The following MARCHF3 variants were observed in gnomAD, a reference collection of about 807,000 sequenced individuals.
The protein encoded by MARCHF3 is E3 ubiquitin-protein ligase MARCHF3.
Under a neutral mutation model 24.2 loss-of-function variants are expected in MARCHF3, and 13 were observed. That is an observed-to-expected ratio of 0.54 (90% confidence interval 0.35 to 0.85). MARCHF3 has a LOEUF of 0.85. Among genes scored for constraint, MARCHF3 ranks in the 40% least tolerant of loss-of-function variants. The pLI is 0.01. For synonymous variants in MARCHF3, 144 were observed against 137.3 expected (o/e 1.05, Z -0.34); for missense variants, 276 against 325.0 (o/e 0.85, Z 1.16).
chr5:126,967,277 T>C (rs78044860), intron 1 of MARCHF3, among the ~76,000 whole-genome samples: 3,831 of 152,246 alleles, frequency 0.025, 84 homozygotes, highest in Middle Eastern at 0.034. Context: ...GGTGATTCTA[T>C]TATCTAATTT....
intron 1 of MARCHF3, among the ~76,000 whole-genome samples, chr5:126,927,540 T>TG (rs1749335701): frequency 6.6e-6 from 1 of 152,222 alleles, no homozygotes; most frequent in Non-Finnish European, 1.5e-5. Flanking sequence ...CATCATGGCC[T>TG]GGGTGGCTGC....
In MARCHF3 at chr5:126,898,945, A is replaced by G. The variant is rs1754015872; in HGVS notation, c.393+15985T>C. On this transcript the variant is annotated intron_variant, in intron 3 of 4. Transcript: ENST00000308660. ...TACATTTTCATAAGTGGCACATCTA[A>G]GAATTAAACTTTTTTTTTTAGTATC... 4 of 985,060 alleles carry G rather than the reference A, an allele frequency of 4.1e-6. No homozygotes were observed. The South Asian group carries it at 1.4e-4, about 35-fold the overall frequency. 61.0% of individuals were successfully genotyped at this position (985,060 alleles called of 1,614,324 possible).
intron 1 of MARCHF3, among the ~76,000 whole-genome samples, chr5:127,010,761 A>G (rs1030262089): frequency 2.6e-5 from 4 of 152,224 alleles, no homozygotes; most frequent in Admixed American, 2.0e-4. Flanking sequence ...GACATATACT[A>G]AAACATGAGT....
At chr5:126,935,359 C>A (rs1455347449) in intron 1 of MARCHF3, among the ~76,000 whole-genome samples, 2 of 152,104 alleles carry the variant, frequency 1.3e-5, no homozygotes, top group African/African-American at 4.8e-5. Context: ...TTCCTCCTGC[C>A]TGACTGCCTT....
At chr5:126,904,075 G>C (rs898605832) in intron 3 of MARCHF3, among the ~76,000 whole-genome samples, 1 of 149,702 alleles carries the variant, frequency 6.7e-6, no homozygotes. Flanking sequence ...TTGGTTTTTT[G>C]TTCTTGCGAT....
intron 3 of MARCHF3, chr5:126,898,954 C>CA (rs1554063525): frequency 1.2e-6 from 1 of 868,212 alleles, no homozygotes; most frequent in Non-Finnish European, 1.4e-6. Flanking sequence ...AAGAATTAAA[C>CA]TTTTTTTTTT....
At chr5:126,949,526 C>T (rs572291732) in intron 1 of MARCHF3, among the ~76,000 whole-genome samples, 9 of 152,280 alleles carry the variant, frequency 5.9e-5, no homozygotes, top group Admixed American at 3.9e-4. Context: ...CTAGAACCCT[C>T]GCTGTAAAAG....
In MARCHF3 at chr5:126,927,428, T is replaced by C. The variant is rs182402657; in HGVS notation, c.-56-9201A>G. Among the ~76,000 whole-genome samples, 885 of 151,910 alleles carry C rather than the reference T, an allele frequency of 5.8e-3. 3 individuals carry two copies. Among genetic ancestry groups the C allele is most frequent in the Non-Finnish European group, 8.9e-3 (607 of 67,828 alleles). On this transcript the variant is annotated intron_variant, in intron 1 of 4. Coordinates refer to ENST00000308660, the MANE Select transcript of MARCHF3 (RefSeq NM_178450.5). ...AGGGAACCTCTTTAGGGAACCTCTT[T>C]AGGGAACCTCTGAGGTGCTATTTTT...
chr5:127,015,129 T>C (rs1390670932), intron 1 of MARCHF3, among the ~76,000 whole-genome samples: 1 of 152,178 alleles, frequency 6.6e-6, no homozygotes, highest in East Asian at 1.9e-4. Flanking sequence ...ATAAATAAAT[T>C]TGAGAAATTA....
intron 1 of MARCHF3, among the ~76,000 whole-genome samples, chr5:126,990,319 C>G (rs111348565): frequency 0.052 from 7,828 of 151,918 alleles, 371 homozygotes; most frequent in South Asian, 0.13. Flanking sequence ...TGTAATAAAT[C>G]GTGCTGGGAA....
At chr5:127,024,972 T>G (rs1294280673) in intron 1 of MARCHF3, among the ~76,000 whole-genome samples, 1 of 152,346 alleles carries the variant, frequency 6.6e-6, no homozygotes, top group South Asian at 2.1e-4. Flanking sequence ...TTTAATCAAA[T>G]TTTTAGAACC....
chr5:127,029,504 G>C (rs3812060), intron 1 of MARCHF3, among the ~76,000 whole-genome samples: 3,795 of 152,252 alleles, frequency 0.025, 263 homozygotes, highest in Admixed American at 0.16. Flanking sequence ...TTACCATTAA[G>C]GGGGGAAAAC....
chr5:126,939,143 A>T, intron 1 of MARCHF3, among the ~76,000 whole-genome samples: 1 of 152,158 alleles, frequency 6.6e-6, no homozygotes, highest in East Asian at 1.9e-4. Context: ...AACAAACATA[A>T]TCTTATGCTA....
At chr5:126,985,103 A>C (rs1210152712) in intron 1 of MARCHF3, among the ~76,000 whole-genome samples, 2 of 152,150 alleles carry the variant, frequency 1.3e-5, no homozygotes, top group East Asian at 3.8e-4. Flanking sequence ...ACAATGGTGA[A>C]TGGACCTGGA....
chr5:126,909,095 C>G (rs574117126), intron 3 of MARCHF3, among the ~76,000 whole-genome samples: 5 of 152,278 alleles, frequency 3.3e-5, no homozygotes, highest in East Asian at 1.9e-4. Flanking sequence ...AGGTGTCAGT[C>G]TGCCCCTGCT....
At chr5:126,970,700 T>C (rs547605281) in intron 1 of MARCHF3, among the ~76,000 whole-genome samples, 2 of 152,290 alleles carry the variant, frequency 1.3e-5, no homozygotes, top group South Asian at 2.1e-4. Flanking sequence ...TTGCCAACTG[T>C]GTTGGGCAAA....
chr5:126,963,084 TA>T (rs541671576), intron 1 of MARCHF3, among the ~76,000 whole-genome samples: 38 of 152,252 alleles, frequency 2.5e-4, no homozygotes, highest in Non-Finnish European at 4.4e-4. Flanking sequence ...TTGTAAGCCT[TA>T]CCAGATAATG....
At chr5:126,884,299 G>C (rs545480063) in intron 3 of MARCHF3, among the ~76,000 whole-genome samples, 1 of 151,986 alleles carries the variant, frequency 6.6e-6, no homozygotes, top group East Asian at 1.9e-4. Flanking sequence ...CTGTCAATGA[G>C]TTTCCAGGAC....
intron 1 of MARCHF3, among the ~76,000 whole-genome samples, chr5:126,935,347 A>C (rs973718197): frequency 3.9e-5 from 6 of 152,112 alleles, no homozygotes; most frequent in African/African-American, 1.4e-4. Context: ...AATAAGAAGG[A>C]ATTCCTCCTG....
Sources: allele counts gnomAD v4.1 joint callset (sites outside exome capture counted in the v4.1 genomes callset), GRCh38; gene constraint gnomAD v4.1.1; transcripts MANE v1.5; gene names NCBI Gene and HGNC (gene_info 2026-07-23, HGNC 2026-07-21).